THSD4: variants seen among roughly 807,000 people sequenced by gnomAD.
THSD4 encodes thrombospondin type-1 domain-containing protein 4.
THSD4 carries 69 observed loss-of-function variants against 119.0 expected under a neutral mutation model. That is an observed-to-expected ratio of 0.58 (90% CI 0.48 to 0.71). The LOEUF (loss-of-function observed/expected upper bound fraction) is 0.71. Among genes scored for constraint, THSD4 ranks in the 30% least tolerant of loss-of-function variants. The pLI, the probability that THSD4 is intolerant of heterozygous loss-of-function variation, is 0.00. For missense variants in THSD4, 1,393 were observed against 1,391.1 expected (o/e 1.00, Z -0.02); for synonymous variants, 524 against 540.4 (o/e 0.97, Z 0.42).
chr15:71,557,153 T>C (rs1173253727), intron 7 of THSD4, among the ~76,000 whole-genome samples: 3 of 152,288 alleles, frequency 2.0e-5, no homozygotes, highest in Admixed American at 2.0e-4. Context: ...CCCTCTTCTA[T>C]TCCCAGTGTA....
intron 6 of THSD4, among the ~76,000 whole-genome samples, chr15:71,263,331 G>GTGTATATATATATATA (rs1555458973): frequency 2.2e-5 from 3 of 138,840 alleles, no homozygotes; most frequent in African/African-American, 8.0e-5. Flanking sequence ...GTATTCCATG[G>GTGTATATATATATATA]TATATATATA....
chr15:71,252,260 T>G (rs1316183620), intron 5 of THSD4, among the ~76,000 whole-genome samples: 1 of 152,214 alleles, frequency 6.6e-6, no homozygotes, highest in Non-Finnish European at 1.5e-5. Flanking sequence ...AAGGTGAAGG[T>G]GACTCAGTCC....
intron 8 of THSD4, among the ~76,000 whole-genome samples, chr15:71,691,781 T>G (rs1407154276): frequency 1.3e-5 from 2 of 152,208 alleles, no homozygotes; most frequent in Non-Finnish European, 2.9e-5. Context: ...AGCACAGGAC[T>G]GCCTTGCCCT....
intron 7 of THSD4, among the ~76,000 whole-genome samples, chr15:71,549,426 A>G (rs1001308470): frequency 6.6e-6 from 1 of 152,144 alleles, no homozygotes; most frequent in Non-Finnish European, 1.5e-5. Context: ...AGCTCCTAGG[A>G]AATTATACAA....
At chr15:71,427,148 T>C (rs2046880628) in intron 7 of THSD4, among the ~76,000 whole-genome samples, 1 of 151,494 alleles carries the variant, frequency 6.6e-6, no homozygotes, top group African/African-American at 2.4e-5. Flanking sequence ...ATAAAAACCC[T>C]GTTTAGATTT....
At chr15:71,469,131 G>A (rs1478045691) in intron 7 of THSD4, among the ~76,000 whole-genome samples, 1 of 152,124 alleles carries the variant, frequency 6.6e-6, no homozygotes, top group Non-Finnish European at 1.5e-5. Flanking sequence ...CTCCCTCCAG[G>A]CCTCACATTT....
intron 7 of THSD4, among the ~76,000 whole-genome samples, chr15:71,584,262 C>CTTTCT (rs2049617884): frequency 1.6e-5 from 1 of 61,804 alleles, no homozygotes; most frequent in South Asian, 6.5e-4. Context: ...TTTTCACTTT[C>CTTTCT]TTTTTTTTTT....
At chr15:71,222,403 C>T (rs117703650) in intron 4 of THSD4, among the ~76,000 whole-genome samples, 2,350 of 152,312 alleles carry the variant, frequency 0.015, 34 homozygotes, top group Non-Finnish European at 0.023. Flanking sequence ...GGTCATTCAT[C>T]ACACTCATTA....
chr15:71,503,815 T>C (rs185119287), intron 7 of THSD4, among the ~76,000 whole-genome samples: 191 of 152,306 alleles, frequency 1.3e-3, no homozygotes, highest in Admixed American at 3.5e-3. Flanking sequence ...GAGACAGTCA[T>C]AGTAAAGTCA....
chr15:71,361,654 C>T (rs1256547906), intron 6 of THSD4, among the ~76,000 whole-genome samples: 7 of 152,198 alleles, frequency 4.6e-5, no homozygotes, highest in Non-Finnish European at 7.3e-5. Flanking sequence ...TTACCTACAG[C>T]TATTTCACTA....
At chr15:71,709,063 A>C (rs1482311639) in intron 8 of THSD4, among the ~76,000 whole-genome samples, 1 of 152,162 alleles carries the variant, frequency 6.6e-6, no homozygotes. Context: ...AATGGATTAC[A>C]TCCCCTACTC....
At chr15:71,489,018 C>T (rs1024034246) in intron 7 of THSD4, among the ~76,000 whole-genome samples, 19 of 152,138 alleles carry the variant, frequency 1.2e-4, no homozygotes, top group Non-Finnish European at 2.5e-4. Flanking sequence ...CAGAGGGTCC[C>T]GCCAGTCCCT....
intron 8 of THSD4, among the ~76,000 whole-genome samples, chr15:71,722,144 T>C (rs1282427400): frequency 6.6e-6 from 1 of 152,188 alleles, no homozygotes; most frequent in Non-Finnish European, 1.5e-5. Flanking sequence ...GTGAGGTAGT[T>C]CTGGATGCCA....
intron 6 of THSD4, among the ~76,000 whole-genome samples, chr15:71,346,157 T>C (rs1441745882): frequency 6.6e-6 from 1 of 152,228 alleles, no homozygotes; most frequent in African/African-American, 2.4e-5. Context: ...GTATTTCTTA[T>C]TCTCTTGTTG....
intron 7 of THSD4, among the ~76,000 whole-genome samples, chr15:71,474,307 C>A (rs1254440103): frequency 6.6e-6 from 1 of 152,052 alleles, no homozygotes; most frequent in African/African-American, 2.4e-5. Context: ...GCAACCTCTG[C>A]CGCCTGGGTT....
intron 7 of THSD4, among the ~76,000 whole-genome samples, chr15:71,634,111 C>T (rs1489964736): frequency 1.3e-5 from 2 of 151,078 alleles, no homozygotes; most frequent in Non-Finnish European, 2.9e-5. Flanking sequence ...GGCTTGAACC[C>T]AGGAGGAGGA....
At chr15:71,583,903 C>T (rs1477277247) in intron 7 of THSD4, among the ~76,000 whole-genome samples, 2 of 152,120 alleles carry the variant, frequency 1.3e-5, no homozygotes, top group Non-Finnish European at 2.9e-5. Flanking sequence ...ATGTTCTGCA[C>T]ATGTCTGTTG....
At chr15:71,514,653 C>T (rs928467153) in intron 7 of THSD4, among the ~76,000 whole-genome samples, 1 of 152,086 alleles carries the variant, frequency 6.6e-6, no homozygotes, top group East Asian at 1.9e-4. Context: ...AATACATATA[C>T]ACTGCAGAAA....
At chr15:71,632,274 C>G (rs1331968601) in intron 7 of THSD4, among the ~76,000 whole-genome samples, 1 of 152,140 alleles carries the variant, frequency 6.6e-6, no homozygotes, top group East Asian at 1.9e-4. Flanking sequence ...TCTGTACCAC[C>G]AGTCACCCTT....
Sources: gnomAD v4.1 joint callset for allele counts (sites outside exome capture counted in the v4.1 genomes callset) on GRCh38, gnomAD v4.1.1 for gene constraint, MANE v1.5 for transcripts, NCBI Gene and HGNC (gene_info 2026-07-23, HGNC 2026-07-21) for gene names.